Variants in MAGI2 observed in about 807,000 individuals in gnomAD.
The protein encoded by MAGI2 is membrane associated guanylate kinase, WW and PDZ domain containing 2.
In MAGI2, 35 loss-of-function variants were observed where a neutral mutation model predicts 133.3. That is an observed-to-expected ratio of 0.26 (90% CI 0.20 to 0.35). The LOEUF (loss-of-function observed/expected upper bound fraction) is 0.35. Among genes scored for constraint, MAGI2 ranks in the 10% least tolerant of loss-of-function variants. The pLI is 1.00. For synonymous variants in MAGI2, 729 were observed against 710.6 expected (o/e 1.03, Z -0.41); for missense variants, 1,636 against 1,863.4 (o/e 0.88, Z 2.25).
intron 9 of MAGI2, among the ~76,000 whole-genome samples, chr7:78,308,836 T>G (rs949740822): frequency 3.9e-5 from 6 of 152,244 alleles, no homozygotes; most frequent in African/African-American, 1.4e-4. Context: ...CTATGGGGCT[T>G]AGAATTATCA....
intron 1 of MAGI2, among the ~76,000 whole-genome samples, chr7:79,361,634 C>T (rs887474374): frequency 5.9e-5 from 9 of 152,190 alleles, no homozygotes; most frequent in African/African-American, 2.2e-4. Flanking sequence ...ACAGCAGAAT[C>T]TGCTTTTCTT....
intron 9 of MAGI2, among the ~76,000 whole-genome samples, chr7:78,266,690 G>T (rs564608396): frequency 6.6e-6 from 1 of 151,522 alleles, no homozygotes; most frequent in African/African-American, 2.4e-5. Context: ...CAATTCTCCT[G>T]TCTCAGCCTC....
At chr7:78,461,318 G>A (rs765039247) in intron 6 of MAGI2, among the ~76,000 whole-genome samples, 1 of 151,876 alleles carries the variant, frequency 6.6e-6, no homozygotes, top group Non-Finnish European at 1.5e-5. Flanking sequence ...ACATTTTGGT[G>A]AGTAATTTAA....
chr7:78,528,890 T>C (rs1042227914), intron 3 of MAGI2, among the ~76,000 whole-genome samples: 4 of 152,134 alleles, frequency 2.6e-5, no homozygotes, highest in Non-Finnish European at 5.9e-5. Flanking sequence ...TTGTCATCAA[T>C]ACTTATACTG....
intron 4 of MAGI2, chr7:78,518,263 G>A (rs1796204547): frequency 6.6e-6 from 1 of 152,132 alleles, no homozygotes; most frequent in African/African-American, 2.4e-5. Flanking sequence ...AGATATACAG[G>A]TAAAATAGTG....
intron 21 of MAGI2, among the ~76,000 whole-genome samples, chr7:78,044,086 A>T (rs1297013323): frequency 6.6e-6 from 1 of 152,226 alleles, no homozygotes; most frequent in African/African-American, 2.4e-5. Flanking sequence ...CACTTCTATT[A>T]TGAGGAGGAC....
intron 2 of MAGI2, among the ~76,000 whole-genome samples, chr7:78,953,937 T>C (rs1802073233): frequency 1.3e-5 from 2 of 152,280 alleles, no homozygotes; most frequent in Admixed American, 6.5e-5. Flanking sequence ...TGAGGATGAC[T>C]CATAGTGTTG....
intron 1 of MAGI2, among the ~76,000 whole-genome samples, chr7:79,208,443 T>G (rs1207854260): frequency 6.6e-6 from 1 of 151,718 alleles, no homozygotes; most frequent in Non-Finnish European, 1.5e-5. Context: ...GAAAAAATGC[T>G]CAACATTACT....
intron 21 of MAGI2, among the ~76,000 whole-genome samples, chr7:78,058,256 C>T (rs10224786): frequency 3.3e-5 from 5 of 151,506 alleles, no homozygotes; most frequent in Non-Finnish European, 5.9e-5. Context: ...TATCACTGCT[C>T]ATGTGTCTCA....
At chr7:78,117,805 A>G (rs559989705) in intron 20 of MAGI2, among the ~76,000 whole-genome samples, 112 of 152,356 alleles carry the variant, frequency 7.4e-4, no homozygotes, top group African/African-American at 2.6e-3. Flanking sequence ...AAGAGAGTTC[A>G]GTGAATTTTG....
At chr7:78,497,561 A>G (rs1794202532) in intron 5 of MAGI2, among the ~76,000 whole-genome samples, 1 of 152,198 alleles carries the variant, frequency 6.6e-6, no homozygotes, top group African/African-American at 2.4e-5. Context: ...GCAATATCAC[A>G]TAAACCAATA....
chr7:78,847,723 CTCTA>C (rs1792747926), intron 2 of MAGI2, among the ~76,000 whole-genome samples: 1 of 151,934 alleles, frequency 6.6e-6, no homozygotes, highest in Non-Finnish European at 1.5e-5. Context: ...TTCCTGATCA[CTCTA>C]TCTAAAATGG....
At chr7:78,680,027 C>T (rs1272596092) in intron 2 of MAGI2, among the ~76,000 whole-genome samples, 1 of 152,066 alleles carries the variant, frequency 6.6e-6, no homozygotes, top group Non-Finnish European at 1.5e-5. Flanking sequence ...GCATTGAGGT[C>T]TTCTTCATCT....
chr7:78,161,699 A>AAAAAAAAAAAAAAAAAAAAAT (rs1825029335), intron 15 of MAGI2, among the ~76,000 whole-genome samples: 1 of 150,292 alleles, frequency 6.7e-6, no homozygotes, highest in Non-Finnish European at 1.5e-5. Flanking sequence ...AAAAAAAAAA[A>AAAAAAAAAAAAAAAAAAAAAT]GCTGTATTTG....
intron 10 of MAGI2, among the ~76,000 whole-genome samples, chr7:78,203,802 C>T (rs180906573): frequency 1.3e-5 from 2 of 152,226 alleles, no homozygotes; most frequent in African/African-American, 4.8e-5. Context: ...GAATGAAAAA[C>T]ATTTATTTTG....
At chr7:78,873,753 A>G (rs1795211939) in intron 2 of MAGI2, among the ~76,000 whole-genome samples, 2 of 152,128 alleles carry the variant, frequency 1.3e-5, no homozygotes, top group African/African-American at 4.8e-5. Context: ...CCTGGTACCA[A>G]AAAGGTTGGG....
At chr7:78,339,590 A>G (rs1584930810) in intron 9 of MAGI2, among the ~76,000 whole-genome samples, 1 of 150,834 alleles carries the variant, frequency 6.6e-6, no homozygotes, top group East Asian at 1.9e-4. Flanking sequence ...GAAGTTCAAA[A>G]GCACTGGGGG....
At chr7:78,307,859 G>C (rs926636937) in intron 9 of MAGI2, among the ~76,000 whole-genome samples, 3 of 152,166 alleles carry the variant, frequency 2.0e-5, no homozygotes, top group African/African-American at 7.2e-5. Flanking sequence ...ACTAGAATGA[G>C]CAAAGATGAG....
At chr7:79,044,119 A>G (rs1326531320) in intron 1 of MAGI2, among the ~76,000 whole-genome samples, 1 of 152,156 alleles carries the variant, frequency 6.6e-6, no homozygotes, top group East Asian at 1.9e-4. Context: ...TAGAGATACA[A>G]CAACAACAAA....
Sources: allele counts gnomAD v4.1 joint callset (sites outside exome capture counted in the v4.1 genomes callset), GRCh38; gene constraint gnomAD v4.1.1; transcripts MANE v1.5; gene names NCBI Gene and HGNC (gene_info 2026-07-23, HGNC 2026-07-21).